The following FILIP1L variants were observed in gnomAD, a reference collection of about 807,000 sequenced individuals.
FILIP1L encodes the protein filamin A interacting protein 1 like.
Under a neutral mutation model 96.6 loss-of-function variants are expected in FILIP1L, and 55 were observed. The observed-to-expected ratio is 0.57, with a 90% confidence interval of 0.46 to 0.71. The LOEUF is 0.71. FILIP1L is among the 30% of genes least tolerant of loss of function. The probability of loss-of-function intolerance (pLI) is 0.00; values close to 1 mark genes in which losing one functional copy is unlikely to be tolerated. For synonymous variants in FILIP1L, 467 were observed against 473.9 expected, an observed-to-expected ratio of 0.99 and a Z score of 0.19; for missense variants, 1,304 against 1,321.2, an observed-to-expected ratio of 0.99 and a Z score of 0.20.
chr3:99,997,841 T>C (rs1709727701), intron 1 of FILIP1L, among the ~76,000 whole-genome samples: 1 of 152,214 alleles, frequency 6.6e-6, no homozygotes, highest in Admixed American at 6.5e-5. Context: ...AACACATAAG[T>C]CATGCTCTTA....
chr3:99,885,798 A>C lies in FILIP1L; in HGVS notation c.606-34728T>G, dbSNP rs9875301. Among the ~76,000 whole-genome samples the C allele has an allele frequency of 5.0e-3, 765 of 152,332 alleles. 6 individuals carry two copies. The highest frequency in any genetic ancestry group is 0.017 in the African/African-American group (722 of 41,578). On this transcript the variant is annotated intron_variant, in intron 4 of 5. Transcript: ENST00000477258. ...CAAACACACACATGTACACACAGAG[A>C]CTTGAAGGCTTTTGTGTACATTTAC... is the stretch of plus-strand genomic sequence containing the variant.
chr3:99,996,700 A>G (rs2107150296), intron 1 of FILIP1L, among the ~76,000 whole-genome samples: 1 of 152,240 alleles, frequency 6.6e-6, no homozygotes, highest in East Asian at 1.9e-4. Flanking sequence ...GGCAAGAGAA[A>G]ATGAGGAAGA....
At chr3:99,987,589 T>C (rs1709382920) in intron 1 of FILIP1L, among the ~76,000 whole-genome samples, 1 of 150,718 alleles carries the variant, frequency 6.6e-6, no homozygotes, top group Non-Finnish European at 1.5e-5. Flanking sequence ...TTATTTAAAC[T>C]AAGGGAGTTT....
intron 1 of FILIP1L, among the ~76,000 whole-genome samples, chr3:99,934,601 T>C (rs747775416): frequency 1.3e-5 from 2 of 152,220 alleles, no homozygotes; most frequent in Non-Finnish European, 2.9e-5. Context: ...ACCAAGATAA[T>C]GTAAGCTTTT....
Position 99,829,518 on chromosome 3 carries a change from T to G in FILIP1L, c.*896A>C, listed in dbSNP as rs1411746296. ...ACTGGAAGGGACCTGAGGAATTATTTCACTTTCCTGTTTTACATGTGGAAA... is the reference window on the plus strand; with the variant it reads ...ACTGGAAGGGACCTGAGGAATTATTGCACTTTCCTGTTTTACATGTGGAAA... On this transcript the variant is annotated 3_prime_UTR_variant, in exon 6 of 6. Coordinates refer to ENST00000477258, the MANE Select transcript of FILIP1L (RefSeq NM_001387850.1). Among the ~76,000 whole-genome samples the G allele has an allele frequency of 6.6e-6, 1 of 152,236 alleles. No individual in the cohort carries two copies. Among genetic ancestry groups the G allele is most frequent in the Non-Finnish European group, 1.5e-5 (1 of 68,042 alleles).
intron 4 of FILIP1L, among the ~76,000 whole-genome samples, chr3:99,876,867 G>A (rs16841785): frequency 0.076 from 11,497 of 152,008 alleles, 542 homozygotes; most frequent in Admixed American, 0.11. Flanking sequence ...TTTTGGCAGG[G>A]AAAAAATTTT....
chr3:99,897,538 C>T (rs1003791014), intron 4 of FILIP1L, among the ~76,000 whole-genome samples: 1 of 151,970 alleles, frequency 6.6e-6, no homozygotes, highest in African/African-American at 2.4e-5. Flanking sequence ...TTTTTTAGAT[C>T]TTGAGTAGTC....
intron 4 of FILIP1L, among the ~76,000 whole-genome samples, chr3:99,899,532 A>G (rs1706368073): frequency 2.0e-5 from 3 of 152,228 alleles, no homozygotes; most frequent in Admixed American, 2.0e-4. Flanking sequence ...TGAGATCTAA[A>G]TGGTAGCTGT....
chr3:100,048,735 T>A (rs2065319479), intron 1 of FILIP1L, among the ~76,000 whole-genome samples: 1 of 152,194 alleles, frequency 6.6e-6, no homozygotes, highest in South Asian at 2.1e-4. Flanking sequence ...TCTCAGCCCC[T>A]GTACATGGAC....
chr3:100,111,351 A>G (rs1354967923), intron 1 of FILIP1L, among the ~76,000 whole-genome samples: 1 of 152,094 alleles, frequency 6.6e-6, no homozygotes, highest in Non-Finnish European at 1.5e-5. Context: ...TTAAGAGATT[A>G]CTCCATGAGG....
At chr3:99,893,162 C>CTTT (rs1200176411) in intron 4 of FILIP1L, among the ~76,000 whole-genome samples, 56 of 107,606 alleles carry the variant, frequency 5.2e-4, no homozygotes, top group East Asian at 1.3e-3. Flanking sequence ...GGCATCTAGA[C>CTTT]TTTTTTTTTT....
At chr3:100,034,829 G>T (rs2065079741) in intron 1 of FILIP1L, among the ~76,000 whole-genome samples, 1 of 152,140 alleles carries the variant, frequency 6.6e-6, no homozygotes, top group South Asian at 2.1e-4. Flanking sequence ...TATCCACTCT[G>T]ATCAGTAAAC....
At position 99,850,581 on chromosome 3, in the gene FILIP1L, G is replaced by A. The variant is rs781544113; in HGVS notation, c.1095C>T (p.Asn365=). The A allele has an allele frequency of 1.1e-5, 18 of 1,613,498 alleles. No individual in the cohort carries two copies. Among genetic ancestry groups the A allele is most frequent in the Middle Eastern group, 3.3e-4 (2 of 6,084 alleles). ...KEKISKGEYG[N]AGIMAEVEEL... is the part of the protein sequence containing the mutation. Reference sequence around the variant, plus strand: ...CTTCCACTTCAGCCATGATACCAGCGTTTCCATATTCTCCCTTACTGATTT... The same window carrying A: ...CTTCCACTTCAGCCATGATACCAGCATTTCCATATTCTCCCTTACTGATTT... Residue 365 remains asparagine, a synonymous_variant, in exon 5 of 6, where the codon AAC becomes AAT. Transcript: ENST00000477258.
chr3:99,895,347 A>G (rs1013539454), intron 4 of FILIP1L, among the ~76,000 whole-genome samples: 16 of 150,130 alleles, frequency 1.1e-4, no homozygotes, highest in African/African-American at 3.9e-4. Context: ...AGTTGGTCTC[A>G]TATATTTAGT....
intron 1 of FILIP1L, among the ~76,000 whole-genome samples, chr3:100,028,346 G>T (rs2064964872): frequency 6.6e-6 from 1 of 152,060 alleles, no homozygotes; most frequent in Non-Finnish European, 1.5e-5. Flanking sequence ...TACTACTTTT[G>T]ACTCTTCTTC....
intron 1 of FILIP1L, among the ~76,000 whole-genome samples, chr3:100,042,817 A>G (rs564787658): frequency 1.9e-4 from 29 of 152,350 alleles, no homozygotes; most frequent in African/African-American, 6.5e-4. Flanking sequence ...ACAATCGAGT[A>G]CTTCTTACGG....
chr3:100,057,312 G>C (rs1265852250), intron 1 of FILIP1L, among the ~76,000 whole-genome samples: 4 of 152,202 alleles, frequency 2.6e-5, no homozygotes, highest in African/African-American at 9.7e-5. Context: ...TTTAAGGAAA[G>C]ATGACATGAT....
intron 1 of FILIP1L, among the ~76,000 whole-genome samples, chr3:99,984,052 A>ATGTGTGTGTGTGTGTGTG (rs34256109): frequency 0.015 from 2,270 of 151,278 alleles, 39 homozygotes; most frequent in African/African-American, 0.038. Context: ...ATGTATATGT[A>ATGTGTGTGTGTGTGTGTG]TGTGTGTTTG....
At chr3:99,992,701 G>A (rs35422475) in intron 1 of FILIP1L, among the ~76,000 whole-genome samples, 87,343 of 151,478 alleles carry the variant, frequency 0.58, 25,358 homozygotes, top group East Asian at 0.72. Flanking sequence ...TTTTTTGGTT[G>A]CATTTGCTTT....
Sources: allele counts gnomAD v4.1 joint callset (sites outside exome capture counted in the v4.1 genomes callset), GRCh38; gene constraint gnomAD v4.1.1; transcripts MANE v1.5; gene names NCBI Gene and HGNC (gene_info 2026-07-23, HGNC 2026-07-21).